Variants in XYLT1 observed in about 807,000 individuals in gnomAD.
XYLT1 encodes the protein beta-D-xylosyltransferase 1.
In XYLT1, 36 loss-of-function variants were observed where a neutral mutation model predicts 91.3. The observed-to-expected ratio is 0.39, with a 90% CI of 0.30 to 0.52. The LOEUF (loss-of-function observed/expected upper bound fraction) is 0.52, where lower values mean the gene tolerates loss of function less well. Ranked by LOEUF, XYLT1 falls within the 20% of genes least tolerant of loss-of-function variation. The pLI is 0.68. For synonymous variants in XYLT1, 588 were observed against 532.0 expected (o/e 1.11, Z -1.45); for missense variants, 1,242 against 1,284.5 (o/e 0.97, Z 0.51).
chr16:17,272,454 T>G (rs1235981855), intron 2 of XYLT1, among the ~76,000 whole-genome samples: 1 of 152,078 alleles, frequency 6.6e-6, no homozygotes, highest in Non-Finnish European at 1.5e-5. Context: ...TTTGAGCCAC[T>G]GCGCCCGGCC....
intron 5 of XYLT1, among the ~76,000 whole-genome samples, chr16:17,165,530 CAA>C (rs34143212): frequency 5.0e-4 from 72 of 144,776 alleles, no homozygotes; most frequent in African/African-American, 1.1e-3. Context: ...ACTAAAAATA[CAA>C]AAAAAAAAAA....
At chr16:17,467,095 T>C (rs758551543) in intron 1 of XYLT1, among the ~76,000 whole-genome samples, 1 of 152,088 alleles carries the variant, frequency 6.6e-6, no homozygotes, top group Non-Finnish European at 1.5e-5. Flanking sequence ...TGCCGAAAAA[T>C]CAACATTTCA....
intron 11 of XYLT1, among the ~76,000 whole-genome samples, chr16:17,114,827 ATTT>A (rs11424722): frequency 1.3e-5 from 2 of 151,420 alleles, no homozygotes; most frequent in African/African-American, 4.9e-5. Flanking sequence ...GGAACATACA[ATTT>A]TTTTTTCTTT....
At chr16:17,466,392 C>T (rs1596562039) in intron 1 of XYLT1, among the ~76,000 whole-genome samples, 1 of 152,138 alleles carries the variant, frequency 6.6e-6, no homozygotes, top group Non-Finnish European at 1.5e-5. Context: ...GGGGCAGACT[C>T]TTATGTCAGA....
At chr16:17,377,781 G>A (rs1248493154) in intron 1 of XYLT1, among the ~76,000 whole-genome samples, 3 of 152,124 alleles carry the variant, frequency 2.0e-5, no homozygotes, top group East Asian at 1.9e-4. Context: ...CCCCATTCAC[G>A]CTGGAACCAT....
At chr16:17,364,242 T>A (rs958826003) in intron 1 of XYLT1, among the ~76,000 whole-genome samples, 4 of 152,196 alleles carry the variant, frequency 2.6e-5, no homozygotes, top group African/African-American at 9.7e-5. Flanking sequence ...GGTAGGATTA[T>A]ACTTGCCAAC....
chr16:17,455,252 G>A (rs889429335), intron 1 of XYLT1, among the ~76,000 whole-genome samples: 1 of 152,030 alleles, frequency 6.6e-6, no homozygotes, highest in African/African-American at 2.4e-5. Flanking sequence ...ATCCCTTTCT[G>A]GAGCTGTTTA....
chr16:17,296,999 G>C (rs1041638115), intron 2 of XYLT1, among the ~76,000 whole-genome samples: 5 of 152,214 alleles, frequency 3.3e-5, no homozygotes, highest in Non-Finnish European at 5.9e-5. Flanking sequence ...GAATGGAGAG[G>C]AGGAAGCAGA....
intron 1 of XYLT1, among the ~76,000 whole-genome samples, chr16:17,406,094 A>G (rs1232320618): frequency 2.0e-5 from 3 of 152,188 alleles, no homozygotes; most frequent in South Asian, 4.1e-4. Context: ...CTGAGGCAGG[A>G]GAATCGCTTG....
At chr16:17,136,400 G>GGAAACCTCT (rs2030722742) in intron 8 of XYLT1, among the ~76,000 whole-genome samples, 1 of 152,160 alleles carries the variant, frequency 6.6e-6, no homozygotes, top group African/African-American at 2.4e-5. Flanking sequence ...GTCTGCTTCA[G>GGAAACCTCT]GAAACCTCTC....
chr16:17,128,584 C>G (rs1433110646), intron 9 of XYLT1, among the ~76,000 whole-genome samples: 2 of 152,248 alleles, frequency 1.3e-5, no homozygotes, highest in East Asian at 3.8e-4. Flanking sequence ...GATTTATTCT[C>G]TCACAGTCCT....
At chr16:17,389,399 C>T (rs1377463400) in intron 1 of XYLT1, among the ~76,000 whole-genome samples, 1 of 152,190 alleles carries the variant, frequency 6.6e-6, no homozygotes, top group Non-Finnish European at 1.5e-5. Context: ...GTACACGCCA[C>T]CACACCTCGC....
chr16:17,320,167 T>A (rs564988866), intron 2 of XYLT1, among the ~76,000 whole-genome samples: 1 of 152,334 alleles, frequency 6.6e-6, no homozygotes, highest in South Asian at 2.1e-4. Flanking sequence ...TTCCTGTCTC[T>A]TTCTTCCCCA....
chr16:17,171,532 C>T (rs2031819477), intron 5 of XYLT1, among the ~76,000 whole-genome samples: 1 of 152,196 alleles, frequency 6.6e-6, no homozygotes. Flanking sequence ...CCACAGATTT[C>T]CAAGGTTACT....
At chr16:17,324,510 A>AT (rs2034770643) in intron 2 of XYLT1, among the ~76,000 whole-genome samples, 1 of 152,254 alleles carries the variant, frequency 6.6e-6, no homozygotes, top group South Asian at 2.1e-4. Flanking sequence ...AAAAAGAAGC[A>AT]TTAAAAATAA....
chr16:17,345,955 C>T (rs1051253681), intron 2 of XYLT1, among the ~76,000 whole-genome samples: 4 of 152,080 alleles, frequency 2.6e-5, no homozygotes, highest in Admixed American at 2.0e-4. Flanking sequence ...GGATTATAGG[C>T]GTGTGCCACC....
intron 2 of XYLT1, among the ~76,000 whole-genome samples, chr16:17,295,180 A>T (rs1022401853): frequency 2.0e-5 from 3 of 152,092 alleles, no homozygotes; most frequent in Admixed American, 6.5e-5. Flanking sequence ...GGACAGGGAA[A>T]CTGCTGTGCA....
Position 17,117,899 on chromosome 16 carries a change from A to C in XYLT1, c.2304T>G (p.Gly768=), listed in dbSNP as rs1477950235. ...TAGGTCCCTTCCCCCACTTCTGCAT[A>C]CCCACCGGCTCATCCATGGGCCCCA... The part of the protein sequence containing the change: ...GLLGPMDEPV[G]MQKWGKGPNV... The change falls in exon 11 of 12, where the codon GGT becomes GGG. Residue 768 remains glycine (G), a synonymous_variant. Transcript: ENST00000261381. The C allele has an allele frequency of 6.2e-7, 1 of 1,613,998 alleles. No homozygotes were observed. Among genetic ancestry groups the C allele is most frequent in the South Asian group, 1.1e-5 (1 of 91,072 alleles).
chr16:17,262,928 T>C (rs1412121394), intron 2 of XYLT1, among the ~76,000 whole-genome samples: 1 of 152,118 alleles, frequency 6.6e-6, no homozygotes. Flanking sequence ...CAGGAGCCAA[T>C]TTTTTTCTCC....
Sources: allele counts gnomAD v4.1 joint callset (sites outside exome capture counted in the v4.1 genomes callset), GRCh38; gene constraint gnomAD v4.1.1; transcripts MANE v1.5; gene names NCBI Gene and HGNC (gene_info 2026-07-23, HGNC 2026-07-21).